CACNA2D1: variants seen among roughly 807,000 people sequenced by gnomAD.
CACNA2D1 encodes voltage-dependent calcium channel subunit alpha-2/delta-1.
In CACNA2D1, 53 loss-of-function variants were observed where a neutral mutation model predicts 171.5. The observed-to-expected ratio is 0.31, with a 90% confidence interval of 0.25 to 0.39. CACNA2D1 has a LOEUF of 0.39. Among genes scored for constraint, CACNA2D1 ranks in the 10% least tolerant of loss-of-function variants. The pLI, the probability that CACNA2D1 is intolerant of heterozygous loss-of-function variation, is 1.00. For missense variants in CACNA2D1, 903 were observed against 1,299.8 expected (o/e 0.69, Z 4.69); for synonymous variants, 442 against 443.1 (o/e 1.00, Z 0.03).
chr7:81,973,393 C>T (rs1156843678), intron 25 of CACNA2D1, among the ~76,000 whole-genome samples: 2 of 151,988 alleles, frequency 1.3e-5, no homozygotes, highest in African/African-American at 4.8e-5. Flanking sequence ...TCACTGAAGC[C>T]GCTAACTAAT....
Position 82,215,330 on chromosome 7 carries a change from G to A in CACNA2D1, c.295-44721C>T, listed in dbSNP as rs149096347. ...CTGAACTCCCATCCCCTTGGCTGCA[G>A]CATCAGATTAAAGCCTTCTTCCTTG... is the stretch of plus-strand genomic sequence containing the variant. On this transcript the variant is annotated intron_variant, in intron 3 of 38. Coordinates refer to ENST00000356860, the MANE Select transcript of CACNA2D1 (RefSeq NM_000722.4). 6.1e-3 allele frequency among the ~76,000 whole-genome samples: 935 copies of A among 152,206 alleles called. 10 individuals are homozygous for A. Among genetic ancestry groups the A allele is most frequent in the African/African-American group, 0.021 (887 of 41,516 alleles).
chr7:82,121,337 G>A (rs1032061072), intron 5 of CACNA2D1, among the ~76,000 whole-genome samples: 4 of 152,162 alleles, frequency 2.6e-5, no homozygotes, highest in African/African-American at 9.7e-5. Flanking sequence ...GATTACAGGT[G>A]TGAGCCACCA....
intron 3 of CACNA2D1, among the ~76,000 whole-genome samples, chr7:82,185,510 GGGAGGAGGGGGAGGA>G (rs1797614224): frequency 3.9e-5 from 1 of 25,928 alleles, no homozygotes; most frequent in African/African-American, 1.5e-4. Flanking sequence ...GAGGGGGAGG[GGGAGGAGGGGGAGGA>G]GGAGGAGGGG....
rs188549670 is a variant in CACNA2D1 at position 82,230,123 on chromosome 7, C to A, written c.295-59514G>T. ...AACTGAAACACCTGTGTAATTAGCA[C>A]CAGGTGAAGGAACAGGTTGTGACTA... On this transcript the variant is annotated intron_variant, in intron 3 of 38. Transcript: ENST00000356860. Among the ~76,000 whole-genome samples the A allele has an allele frequency of 1.3e-3, 195 of 152,268 alleles. 3 individuals are homozygous for A. In the East Asian group the frequency reaches 0.016, roughly 13 times the overall value.
At chr7:82,199,487 G>T (rs139929629) in intron 3 of CACNA2D1, among the ~76,000 whole-genome samples, 36 of 152,194 alleles carry the variant, frequency 2.4e-4, no homozygotes, top group African/African-American at 8.4e-4. Flanking sequence ...AATAAACTAT[G>T]CTGGCTTTGT....
intron 37 of CACNA2D1, 93 bp from the exon 38 acceptor site, chr7:81,959,450 A>G (rs533983520): frequency 1.1e-6 from 1 of 899,608 alleles, no homozygotes; most frequent in Admixed American, 1.8e-5. Context: ...CATGTGAGAG[A>G]GATAACTTAT....
At chr7:82,377,532 AG>A (rs1823152366) in intron 1 of CACNA2D1, among the ~76,000 whole-genome samples, 1 of 152,142 alleles carries the variant, frequency 6.6e-6, no homozygotes, top group African/African-American at 2.4e-5. Flanking sequence ...TTCTGGGTCA[AG>A]GTATACTCCC....
At chr7:82,148,489 G>T (rs116459660) in intron 4 of CACNA2D1, among the ~76,000 whole-genome samples, 2,358 of 152,238 alleles carry the variant, frequency 0.015, 56 homozygotes, top group African/African-American at 0.052. Flanking sequence ...AGCAAAGGAG[G>T]TGTGTTTGGG....
At chr7:82,260,819 T>C (rs1806977655) in intron 3 of CACNA2D1, among the ~76,000 whole-genome samples, 1 of 152,176 alleles carries the variant, frequency 6.6e-6, no homozygotes, top group Non-Finnish European at 1.5e-5. Flanking sequence ...GGCATTATAA[T>C]GAACTAGACT....
intron 3 of CACNA2D1, among the ~76,000 whole-genome samples, chr7:82,300,687 A>C (rs1310807415): frequency 1.3e-5 from 2 of 152,128 alleles, no homozygotes; most frequent in Non-Finnish European, 2.9e-5. Flanking sequence ...TTAAATTAGA[A>C]TACTTAGAAT....
At chr7:82,112,048 T>C (rs1788536033) in intron 6 of CACNA2D1, among the ~76,000 whole-genome samples, 2 of 151,992 alleles carry the variant, frequency 1.3e-5, no homozygotes, top group African/African-American at 4.8e-5. Context: ...AGAAACAAAA[T>C]CATTATAAGA....
rs571976656 is a variant in CACNA2D1, at chr7:82,120,366, C to T, written c.397-3193G>A. Among the ~76,000 whole-genome samples the T allele has an allele frequency of 3.5e-3, 528 of 152,286 alleles. 6 individuals are homozygous for T. The highest frequency in any genetic ancestry group is 0.028 in the South Asian group (137 of 4,826). On this transcript the variant is annotated intron_variant, in intron 5 of 38. Transcript: ENST00000356860. ...TTTACATTAGGGCTTGCAGCTTTTACAATACAGATATTACTGATTTTAGAA... is the reference window on the plus strand; with the variant it reads ...TTTACATTAGGGCTTGCAGCTTTTATAATACAGATATTACTGATTTTAGAA...
intron 3 of CACNA2D1, among the ~76,000 whole-genome samples, chr7:82,254,402 T>A (rs1678824068): frequency 6.6e-6 from 1 of 152,142 alleles, no homozygotes; most frequent in Admixed American, 6.5e-5. Context: ...CCAGCTTCAC[T>A]GATGTATAAC....
chr7:82,060,373 G>A, intron 10 of CACNA2D1, 55 bp downstream of exon 10: 5 of 1,136,270 alleles, frequency 4.4e-6, no homozygotes, highest in South Asian at 2.5e-5. Flanking sequence ...CTAAAGTCAG[G>A]AGAAGATAGA....
chr7:82,431,718 C>T (rs569167295), intron 1 of CACNA2D1, among the ~76,000 whole-genome samples: 1 of 152,000 alleles, frequency 6.6e-6, no homozygotes, highest in South Asian at 2.1e-4. Flanking sequence ...TACTTATCTC[C>T]GAGGATTGCC....
At chr7:82,216,418 G>T (rs759982403) in intron 3 of CACNA2D1, among the ~76,000 whole-genome samples, 8 of 152,000 alleles carry the variant, frequency 5.3e-5, no homozygotes, top group Non-Finnish European at 1.2e-4. Flanking sequence ...TCCTCTTTCT[G>T]TTTTCAAATA....
intron 10 of CACNA2D1, among the ~76,000 whole-genome samples, chr7:82,057,667 G>A (rs1164413298): frequency 2.0e-5 from 3 of 152,000 alleles, no homozygotes; most frequent in African/African-American, 4.8e-5. Context: ...CTTGGGATTC[G>A]TTCAAGTATG....
intron 3 of CACNA2D1, among the ~76,000 whole-genome samples, chr7:82,252,073 T>G (rs1010389968): frequency 6.6e-6 from 1 of 152,240 alleles, no homozygotes; most frequent in Non-Finnish European, 1.5e-5. Flanking sequence ...AATATAACAA[T>G]GATTGTTTTC....
At chr7:82,353,829 G>C (rs1447624397) in intron 1 of CACNA2D1, among the ~76,000 whole-genome samples, 1 of 151,990 alleles carries the variant, frequency 6.6e-6, no homozygotes, top group African/African-American at 2.4e-5. Context: ...AAAAGAGAAA[G>C]GCAAGTAGAG....
Sources: gnomAD v4.1 joint callset for allele counts (sites outside exome capture counted in the v4.1 genomes callset) on GRCh38, gnomAD v4.1.1 for gene constraint, MANE v1.5 for transcripts, NCBI Gene and HGNC (gene_info 2026-07-23, HGNC 2026-07-21) for gene names.